The following RHOBTB1 variants were observed in gnomAD, a reference collection of about 807,000 sequenced individuals.
RHOBTB1 encodes rho-related BTB domain-containing protein 1.
In RHOBTB1, 40 loss-of-function variants were observed where a neutral mutation model predicts 71.6. The ratio of observed to expected loss-of-function variants is 0.56; its 90% CI spans 0.43 to 0.73. RHOBTB1 has a LOEUF of 0.73. RHOBTB1 is among the 30% of genes least tolerant of loss of function. RHOBTB1 has a pLI of 0.00. For synonymous variants in RHOBTB1, 319 were observed against 334.9 expected, an observed-to-expected ratio of 0.95 and a Z score of 0.52; for missense variants, 797 against 894.0, an observed-to-expected ratio of 0.89 and a Z score of 1.38.
intron 7 of RHOBTB1, among the ~76,000 whole-genome samples, chr10:60,883,013 A>AT (rs1462853403): frequency 6.6e-6 from 1 of 152,114 alleles, no homozygotes; most frequent in Non-Finnish European, 1.5e-5. Context: ...CATTTTACAG[A>AT]TGAGGAAACA....
intron 2 of RHOBTB1, among the ~76,000 whole-genome samples, chr10:60,913,416 T>C (rs1469651340): frequency 6.6e-6 from 1 of 152,210 alleles, no homozygotes; most frequent in East Asian, 1.9e-4. Context: ...AAAAAGAGTC[T>C]TTAAAAATCT....
chr10:60,915,467 A>C lies in RHOBTB1; in HGVS notation c.-10-3915T>G, dbSNP rs184516595. On this transcript the variant is annotated intron_variant, in intron 2 of 10. Transcript: ENST00000337910. Reference sequence around the variant, plus strand: ...AAGAAAAAAAAAAGAAAAGCCTGAAAGAATGGACACTGGTAATCTGCTACT... The same window carrying C: ...AAGAAAAAAAAAAGAAAAGCCTGAACGAATGGACACTGGTAATCTGCTACT... Among the ~76,000 whole-genome samples, 13 of 152,326 alleles carry C rather than the reference A, an allele frequency of 8.5e-5. No homozygotes were observed. The East Asian group carries it at 2.5e-3, about 29-fold the overall frequency.
chr10:60,973,721 G>GCTACTCGGGAGGCTGAGGC (rs2086233827), intron 2 of RHOBTB1, among the ~76,000 whole-genome samples: 1 of 151,992 alleles, frequency 6.6e-6, no homozygotes, highest in African/African-American at 2.4e-5. Flanking sequence ...GAAAAATCAA[G>GCTACTCGGGAGGCTGAGGC]AATAAGCAAA....
chr10:60,987,721 C>A (rs1169540694), intron 1 of RHOBTB1, among the ~76,000 whole-genome samples: 1 of 151,976 alleles, frequency 6.6e-6, no homozygotes, highest in Non-Finnish European at 1.5e-5. Flanking sequence ...TTCAACAGAC[C>A]TCAACAGGAT....
At position 60,870,251 on chromosome 10, in the gene RHOBTB1, GAGAA is replaced by G. The variant is rs147423566; in HGVS notation, c.*1227_*1230del. The G allele has an allele frequency of 0.047, 7,136 of 152,682 alleles. 342 individuals are homozygous for G. Among genetic ancestry groups the G allele is most frequent in the African/African-American group, 0.12 (4,915 of 41,518 alleles). The allele number at this position is 152,682 out of a possible 1,614,324, so 9.5% of individuals were successfully genotyped here. A position where few individuals can be genotyped will look rare whatever the true frequency, so the allele number is the denominator to read the frequency against. On this transcript the variant is annotated 3_prime_UTR_variant, in exon 11 of 11. Coordinates refer to ENST00000337910, the MANE Select transcript of RHOBTB1 (RefSeq NM_014836.5). ...TAGTTTAACACTGAAAACTCAGAAT[GAGAA>G]AGAGTCAGAACGAACTCACAATAGC... is the stretch of plus-strand genomic sequence containing the variant.
At position 60,973,633 on chromosome 10, in the gene RHOBTB1, C is replaced by T. The variant is rs116103464; in HGVS notation, c.-62+12212G>A. Among the ~76,000 whole-genome samples the T allele has an allele frequency of 8.3e-3, 1,263 of 151,972 alleles. 12 individuals are homozygous for T. Among genetic ancestry groups the T allele is most frequent in the African/African-American group, 0.029 (1,206 of 41,482 alleles). On this transcript the variant is annotated intron_variant, in intron 2 of 11. Transcript: ENST00000357917. ...TCAGTAACACAGAAGGCCCATGAAG[C>T]AATACTAGACTAGGAGAAACCTGGT...
chr10:60,880,265 G>C (rs1381074011), intron 7 of RHOBTB1, among the ~76,000 whole-genome samples: 1 of 146,496 alleles, frequency 6.8e-6, no homozygotes, highest in Non-Finnish European at 1.5e-5. Context: ...GTGAGAGACA[G>C]AGAGAGAGAG....
chr10:60,894,809 T>C (rs534725755), intron 4 of RHOBTB1, among the ~76,000 whole-genome samples: 2 of 152,346 alleles, frequency 1.3e-5, no homozygotes, highest in East Asian at 1.9e-4. Flanking sequence ...TTCTAATTGG[T>C]GCCTTCTATT....
chr10:60,953,852 C>T (rs1470502480), intron 2 of RHOBTB1, among the ~76,000 whole-genome samples: 2 of 152,046 alleles, frequency 1.3e-5, no homozygotes, highest in African/African-American at 4.8e-5. Context: ...TTGAAATTCA[C>T]TTTCAGTTTA....
chr10:60,971,755 G>A (rs2086166715), intron 2 of RHOBTB1, among the ~76,000 whole-genome samples: 1 of 152,092 alleles, frequency 6.6e-6, no homozygotes, highest in Non-Finnish European at 1.5e-5. Flanking sequence ...GAGTGAGCAG[G>A]CAACCTACAG....
chr10:60,966,964 G>T (rs1163508271), intron 2 of RHOBTB1, among the ~76,000 whole-genome samples: 2 of 151,806 alleles, frequency 1.3e-5, no homozygotes, highest in Non-Finnish European at 2.9e-5. Flanking sequence ...GCACGACAAA[G>T]TTCTTGGGGA....
In RHOBTB1 at chr10:60,993,843, T is replaced by A. The variant is rs145786265; in HGVS notation, c.-163+7556A>T. On this transcript the variant is annotated intron_variant, in intron 1 of 11. Transcript: ENST00000357917. ...CATGTAATTGATTACTGTAAAAATA[T>A]GAGCATTAAAATTTATAATTCTTTT... is the stretch of plus-strand genomic sequence containing the variant. Among the ~76,000 whole-genome samples the A allele has an allele frequency of 2.7e-3, 417 of 152,108 alleles. 2 individuals are homozygous for A. The highest frequency in any genetic ancestry group is 8.9e-3 in the Admixed American group (136 of 15,278).
At chr10:61,000,172 C>T (rs1449373770) in intron 1 of RHOBTB1, among the ~76,000 whole-genome samples, 2 of 152,080 alleles carry the variant, frequency 1.3e-5, no homozygotes, top group Non-Finnish European at 1.5e-5. Context: ...AGGTGGTAAA[C>T]AATGCTTTGG....
intron 7 of RHOBTB1, among the ~76,000 whole-genome samples, chr10:60,880,705 C>T (rs528919183): frequency 4.6e-5 from 7 of 152,240 alleles, no homozygotes; most frequent in African/African-American, 1.7e-4. Flanking sequence ...CATGCTAGAT[C>T]ATCTGCAATA....
chr10:60,958,677 C>T (rs1485304057), intron 2 of RHOBTB1, among the ~76,000 whole-genome samples: 1 of 152,146 alleles, frequency 6.6e-6, no homozygotes, highest in Non-Finnish European at 1.5e-5. Context: ...GATCACAGTT[C>T]ACTGCCTTGA....
chr10:60,915,067 A>T (rs1368695548), intron 2 of RHOBTB1, among the ~76,000 whole-genome samples: 1 of 152,248 alleles, frequency 6.6e-6, no homozygotes, highest in Admixed American at 6.5e-5. Context: ...TTCTCTAAAA[A>T]GCATTTTAAG....
chr10:60,950,326 C>A (rs1041097652), intron 2 of RHOBTB1, among the ~76,000 whole-genome samples: 2 of 152,174 alleles, frequency 1.3e-5, no homozygotes, highest in Admixed American at 6.5e-5. Flanking sequence ...TCATGAACTA[C>A]ATTCTTAATA....
chr10:60,968,655 T>C (rs1304078340), intron 2 of RHOBTB1, among the ~76,000 whole-genome samples: 1 of 152,120 alleles, frequency 6.6e-6, no homozygotes, highest in Non-Finnish European at 1.5e-5. Flanking sequence ...TCTCAAAACC[T>C]ACATATAAGT....
chr10:60,881,682 G>A (rs1032328141), intron 7 of RHOBTB1, among the ~76,000 whole-genome samples: 5 of 152,204 alleles, frequency 3.3e-5, no homozygotes, highest in African/African-American at 1.2e-4. Context: ...CGGAAACTCT[G>A]GGTTTTGAAA....
Sources: allele counts gnomAD v4.1 joint callset (sites outside exome capture counted in the v4.1 genomes callset), GRCh38; gene constraint gnomAD v4.1.1; transcripts MANE v1.5; gene names NCBI Gene and HGNC (gene_info 2026-07-23, HGNC 2026-07-21).